Variants in LRRIQ3 observed in about 807,000 individuals in gnomAD.
LRRIQ3 encodes leucine rich repeats and IQ motif containing 3, also known as leucine-rich repeat and IQ domain-containing protein 3.
In LRRIQ3, 75 loss-of-function variants were observed where a neutral mutation model predicts 59.3. The observed-to-expected ratio is 1.26, with a 90% confidence interval of 1.05 to 1.53. LRRIQ3 has a LOEUF of 1.53. LRRIQ3 is among the 40% of genes most tolerant of loss of function. The pLI is 0.00. For synonymous variants in LRRIQ3, 250 were observed against 231.3 expected, an observed-to-expected ratio of 1.08 and a Z score of -0.73; for missense variants, 831 against 710.0, an observed-to-expected ratio of 1.17 and a Z score of -1.94.
At chr1:74,132,922 C>T (rs1446309473) in intron 4 of LRRIQ3, among the ~76,000 whole-genome samples, 1 of 152,110 alleles carries the variant, frequency 6.6e-6, no homozygotes, top group Admixed American at 6.5e-5. Context: ...TCAGAATGAA[C>T]AGGCAACCTA....
intron 6 of LRRIQ3, among the ~76,000 whole-genome samples, chr1:74,047,519 C>A (rs1021889330): frequency 3.9e-5 from 6 of 151,908 alleles, no homozygotes; most frequent in Non-Finnish European, 8.8e-5. Context: ...TGCAGCATAC[C>A]ACCATGGCAC....
intron 4 of LRRIQ3, among the ~76,000 whole-genome samples, chr1:74,130,902 A>G (rs1016067113): frequency 1.3e-5 from 2 of 152,162 alleles, no homozygotes; most frequent in Non-Finnish European, 2.9e-5. Flanking sequence ...TGAAGGAGAT[A>G]AAGACACAAA....
At chr1:74,155,987 G>A in intron 3 of LRRIQ3, 121 bp from the exon 4 acceptor site, 1 of 570,270 alleles carries the variant, frequency 1.8e-6, no homozygotes, top group Non-Finnish European at 2.7e-6. Context: ...AGGTCTTACA[G>A]GCATTATAGT....
intron 1 of LRRIQ3, among the ~76,000 whole-genome samples, chr1:74,184,783 CA>C (rs1156722808): frequency 3.9e-5 from 6 of 152,026 alleles, no homozygotes; most frequent in Non-Finnish European, 7.4e-5. Flanking sequence ...ACAAGTAAAC[CA>C]GTCTTAAAAA....
At chr1:74,080,895 GA>G (rs1646266966) in intron 5 of LRRIQ3, among the ~76,000 whole-genome samples, 1 of 151,570 alleles carries the variant, frequency 6.6e-6, no homozygotes, top group Non-Finnish European at 1.5e-5. Context: ...GTAAACTATA[GA>G]GTAGCACTTG....
At chr1:74,168,689 T>A (rs1289038486) in intron 3 of LRRIQ3, among the ~76,000 whole-genome samples, 1 of 152,078 alleles carries the variant, frequency 6.6e-6, no homozygotes, top group Non-Finnish European at 1.5e-5. Flanking sequence ...CTTGATTTCC[T>A]ATGGGTTACT....
intron 4 of LRRIQ3, among the ~76,000 whole-genome samples, chr1:74,138,057 G>A (rs938798568): frequency 2.0e-5 from 3 of 151,166 alleles, no homozygotes; most frequent in Admixed American, 6.6e-5. Flanking sequence ...AAACCTGCAT[G>A]TTCTGCACAT....
chr1:74,047,036 G>A (rs1191514727), intron 6 of LRRIQ3, among the ~76,000 whole-genome samples: 3 of 152,158 alleles, frequency 2.0e-5, no homozygotes, highest in Non-Finnish European at 4.4e-5. Flanking sequence ...GTGGGAGACA[G>A]TGTGGCGATT....
rs2274904 is a variant in LRRIQ3, at chr1:74,183,581, A to C, written c.104T>G (p.Phe35Cys). 279 of 1,612,102 alleles carry C rather than the reference A, an allele frequency of 1.7e-4. 1 individual carries two copies. The East Asian group carries it at 5.9e-3, about 34-fold the overall frequency. ...EGQKDFVFVK[F>C]NGLHLKSMEN... ...CATAGACTTTAAATGAAGGCCATTG[A>C]ACTTCACAAAAACAAAATCTTTTTG... The change falls in exon 2 of 8, where the codon TTC becomes TGC. Residue 35 changes from phenylalanine to cysteine, a missense_variant. Coordinates refer to ENST00000354431, the MANE Select transcript of LRRIQ3 (RefSeq NM_001105659.2).
chr1:74,099,856 G>A (rs1231556372), intron 5 of LRRIQ3, among the ~76,000 whole-genome samples: 1 of 151,954 alleles, frequency 6.6e-6, no homozygotes, highest in Admixed American at 6.6e-5. Flanking sequence ...GAATTCAACA[G>A]CCTTTCATGT....
chr1:74,093,207 C>G (rs558309857), intron 5 of LRRIQ3, among the ~76,000 whole-genome samples: 10 of 151,884 alleles, frequency 6.6e-5, no homozygotes, highest in Non-Finnish European at 1.0e-4. Context: ...TCTATTAAGA[C>G]TATGAAACTC....
At chr1:74,028,733 A>G (rs927776089) in intron 7 of LRRIQ3, among the ~76,000 whole-genome samples, 6 of 151,916 alleles carry the variant, frequency 3.9e-5, no homozygotes, top group African/African-American at 1.4e-4. Context: ...CTTTATAAAG[A>G]GGACATTTCA....
intron 5 of LRRIQ3, among the ~76,000 whole-genome samples, chr1:74,093,348 A>G (rs988054096): frequency 3.3e-5 from 5 of 152,116 alleles, no homozygotes; most frequent in Admixed American, 2.0e-4. Context: ...ATTTCAAAAG[A>G]AGAGAGTGTT....
chr1:74,147,836 C>T (rs1343013845), intron 4 of LRRIQ3, among the ~76,000 whole-genome samples: 1 of 152,110 alleles, frequency 6.6e-6, no homozygotes, highest in African/African-American at 2.4e-5. Context: ...TTTTGCAAGA[C>T]TTAAGATGTT....
At chr1:74,030,020 A>T (rs1225681009) in intron 7 of LRRIQ3, among the ~76,000 whole-genome samples, 1 of 152,066 alleles carries the variant, frequency 6.6e-6, no homozygotes, top group Non-Finnish European at 1.5e-5. Context: ...CCCATTCACA[A>T]TCGTTTCAAA....
intron 4 of LRRIQ3, among the ~76,000 whole-genome samples, chr1:74,144,958 A>G (rs889913840): frequency 1.3e-5 from 2 of 152,008 alleles, no homozygotes; most frequent in Non-Finnish European, 2.9e-5. Flanking sequence ...AATTTAAAAT[A>G]TTTTTACCTA....
At chr1:74,070,520 T>C (rs1469943334) in intron 6 of LRRIQ3, among the ~76,000 whole-genome samples, 1 of 151,886 alleles carries the variant, frequency 6.6e-6, no homozygotes, top group Non-Finnish European at 1.5e-5. Flanking sequence ...AAATATGTAT[T>C]GGGCACTATG....
At chr1:74,112,715 G>A (rs1646715846) in intron 4 of LRRIQ3, among the ~76,000 whole-genome samples, 1 of 152,142 alleles carries the variant, frequency 6.6e-6, no homozygotes, top group Non-Finnish European at 1.5e-5. Context: ...CCAAATAGCT[G>A]ACTATAGCTG....
At chr1:74,132,973 T>C (rs1490067016) in intron 4 of LRRIQ3, among the ~76,000 whole-genome samples, 1 of 152,026 alleles carries the variant, frequency 6.6e-6, no homozygotes, top group Admixed American at 6.6e-5. Flanking sequence ...CATCTGACAA[T>C]GGGCTAATAT....
Sources: gnomAD v4.1 joint callset for allele counts (sites outside exome capture counted in the v4.1 genomes callset) on GRCh38, gnomAD v4.1.1 for gene constraint, MANE v1.5 for transcripts, NCBI Gene and HGNC (gene_info 2026-07-23, HGNC 2026-07-21) for gene names.